Variants in FMNL2 observed in about 807,000 individuals in gnomAD.
The protein encoded by FMNL2 is formin like 2, also known as formin-like protein 2.
Under a neutral mutation model 130.2 loss-of-function variants are expected in FMNL2, and 51 were observed. The observed-to-expected ratio is 0.39, with a 90% CI of 0.31 to 0.49. The LOEUF is 0.49. FMNL2 is among the 20% of genes least tolerant of loss of function. The pLI is 0.85. For missense variants in FMNL2, 977 were observed against 1,316.2 expected, an observed-to-expected ratio of 0.74 and a Z score of 3.99; for synonymous variants, 465 against 467.1, an observed-to-expected ratio of 1.00 and a Z score of 0.06.
chr2:152,511,404 A>G (rs962146282), intron 1 of FMNL2, among the ~76,000 whole-genome samples: 7 of 152,230 alleles, frequency 4.6e-5, no homozygotes, highest in African/African-American at 1.2e-4. Flanking sequence ...TTTGGGGGCC[A>G]TTATTCTGCC....
intron 1 of FMNL2, among the ~76,000 whole-genome samples, chr2:152,490,111 CT>C (rs1187024051): frequency 4.6e-5 from 7 of 151,998 alleles, no homozygotes; most frequent in Admixed American, 2.6e-4. Context: ...TTGCCTGTGC[CT>C]GGGGGATATT....
At chr2:152,413,930 A>G (rs1008354197) in intron 1 of FMNL2, among the ~76,000 whole-genome samples, 8 of 152,204 alleles carry the variant, frequency 5.3e-5, no homozygotes, top group Non-Finnish European at 1.0e-4. Flanking sequence ...GCTTTTTGTG[A>G]TGTACTTGAG....
Position 152,649,558 on chromosome 2 carries a change from A to G in FMNL2, c.*1653A>G, listed in dbSNP as rs1683900908. 6.6e-6 allele frequency: 1 copy of G among 152,576 alleles called. No individual in the cohort carries two copies. Among genetic ancestry groups the G allele is most frequent in the South Asian group, 2.1e-4 (1 of 4,836 alleles). The allele number at this position is 152,576 out of a possible 1,614,324, so 9.5% of individuals were successfully genotyped here. ...GATTTTGTCTTTCTGTGGACTCAAC[A>G]TTCACTTCGATTAAAAATAGCAATT... On this transcript the variant is annotated 3_prime_UTR_variant, in exon 26 of 26. Coordinates refer to ENST00000288670, the MANE Select transcript of FMNL2 (RefSeq NM_052905.4).
intron 1 of FMNL2, among the ~76,000 whole-genome samples, chr2:152,352,857 C>CT (rs3215381): frequency 0.77 from 116,811 of 151,984 alleles, 45,943 homozygotes; most frequent in Admixed American, 0.86. Context: ...TGTGGTAAGC[C>CT]TTTGCTCAGC....
At position 152,632,077 on chromosome 2, in the gene FMNL2, A is replaced by G; in HGVS notation, c.2620A>G (p.Lys874Glu). The change falls in exon 21 of 26, where the codon AAA (lysine) becomes GAA (glutamate). Residue 874 changes from lysine (K) to glutamate (E), a missense_variant. Lys to Glu is a moderately conservative substitution (Grantham distance 56, BLOSUM62 1). Around this residue, in one of 4 missense-constraint regions of FMNL2, gnomAD observed 689 missense variants for 995.9 expected, o/e 0.69. Coordinates refer to ENST00000288670, the MANE Select transcript of FMNL2 (RefSeq NM_052905.4). ...CTATATATCCAATGTGGTGAAAGAA[A>G]AATATCACCAAGTGTCCCTGTTTTA... ...LHYISNVVKE[K>E]YHQVSLFYNE... The G allele has an allele frequency of 6.2e-7, 1 of 1,613,506 alleles. No individual in the cohort carries two copies. The highest frequency in any genetic ancestry group is 8.5e-7 in the Non-Finnish European group (1 of 1,179,632).
At chr2:152,438,021 T>C (rs1687855113) in intron 1 of FMNL2, among the ~76,000 whole-genome samples, 1 of 152,226 alleles carries the variant, frequency 6.6e-6, no homozygotes, top group Non-Finnish European at 1.5e-5. Context: ...GAGACTTACA[T>C]GGAAACTTTG....
chr2:152,543,729 CAAAAAAAAAA>C (rs71394490), intron 3 of FMNL2, among the ~76,000 whole-genome samples: 1 of 61,396 alleles, frequency 1.6e-5, no homozygotes, highest in Non-Finnish European at 2.8e-5. Context: ...ACCCCCCGAC[CAAAAAAAAAA>C]AAAAAAAAAA....
At chr2:152,439,523 AAAGTGACCTTTGT>A (rs1687948901) in intron 1 of FMNL2, among the ~76,000 whole-genome samples, 1 of 152,162 alleles carries the variant, frequency 6.6e-6, no homozygotes, top group Non-Finnish European at 1.5e-5. Flanking sequence ...TTGAAACCTG[AAAGTGACCTTTGT>A]AAGTCACCAT....
intron 4 of FMNL2, 38 bp from the exon 5 acceptor site, chr2:152,558,702 A>G (rs368079038): frequency 1.9e-6 from 3 of 1,546,972 alleles, no homozygotes; most frequent in South Asian, 1.2e-5. Flanking sequence ...TCATGTGATC[A>G]ATTTCTCCAA....
intron 1 of FMNL2, among the ~76,000 whole-genome samples, chr2:152,459,732 C>G (rs2105117443): frequency 6.6e-6 from 1 of 152,212 alleles, no homozygotes; most frequent in East Asian, 1.9e-4. Context: ...TAACAGATAA[C>G]TATGTGAATA....
intron 1 of FMNL2, among the ~76,000 whole-genome samples, chr2:152,395,295 GAGT>G (rs1330671931): frequency 2.6e-5 from 4 of 152,318 alleles, no homozygotes; most frequent in African/African-American, 9.6e-5. Context: ...TTAAAGAGAT[GAGT>G]AGTGCTTAGG....
chr2:152,631,888 C>G (rs1682194891), intron 20 of FMNL2, 120 bp from the exon 21 acceptor site: 1 of 1,118,094 alleles, frequency 8.9e-7, no homozygotes, highest in Admixed American at 2.9e-5. Flanking sequence ...TGGGAATGCT[C>G]CAGCCTGTTG....
chr2:152,351,035 A>G (rs935499060), intron 1 of FMNL2, among the ~76,000 whole-genome samples: 28 of 152,100 alleles, frequency 1.8e-4, no homozygotes, highest in African/African-American at 4.6e-4. Context: ...ACAGAGTGAG[A>G]CTCTTTCTCA....
At chr2:152,480,357 G>T (rs890739470) in intron 1 of FMNL2, among the ~76,000 whole-genome samples, 2 of 152,104 alleles carry the variant, frequency 1.3e-5, no homozygotes, top group Admixed American at 1.3e-4. Flanking sequence ...TGGGCCAAGC[G>T]CAGTGGCTCA....
At position 152,631,206 on chromosome 2, in the gene FMNL2, C is replaced by T. The variant is rs527715356; in HGVS notation, c.2551-802C>T. On this transcript the variant is annotated intron_variant, in intron 20 of 25. Transcript: ENST00000288670. The stretch of plus-strand genomic sequence containing the variant: ...TTTGAGAGCAGCCTGGCCAACATGG[C>T]GAAACCCTGTCTCTACTAAAAATAG... 2.6e-5 allele frequency among the ~76,000 whole-genome samples: 4 copies of T among 151,516 alleles called. No homozygotes were observed. The South Asian group carries it at 6.3e-4, about 24-fold the overall frequency.
chr2:152,474,083 G>A (rs1690010242), intron 1 of FMNL2, among the ~76,000 whole-genome samples: 1 of 152,028 alleles, frequency 6.6e-6, no homozygotes, highest in South Asian at 2.1e-4. Context: ...TGCTATATTG[G>A]CCAGGCTGGT....
chr2:152,538,039 G>C (rs937485169), intron 2 of FMNL2, among the ~76,000 whole-genome samples: 1 of 152,168 alleles, frequency 6.6e-6, no homozygotes, highest in Non-Finnish European at 1.5e-5. Context: ...GATAAACTGT[G>C]AAGTATCACT....
chr2:152,618,129 C>T (rs974425820), intron 13 of FMNL2, among the ~76,000 whole-genome samples: 3 of 152,178 alleles, frequency 2.0e-5, no homozygotes, highest in Non-Finnish European at 4.4e-5. Context: ...TTCACTAGAA[C>T]CTCTATGGGC....
At chr2:152,545,305 C>T (rs886193770) in intron 3 of FMNL2, among the ~76,000 whole-genome samples, 1 of 152,180 alleles carries the variant, frequency 6.6e-6, no homozygotes, top group Admixed American at 6.5e-5. Flanking sequence ...CTTTAAATTT[C>T]AGCCAGACAG....
Sources: allele counts gnomAD v4.1 joint callset (sites outside exome capture counted in the v4.1 genomes callset), GRCh38; gene constraint gnomAD v4.1.1; regional missense constraint gnomAD v4.1.1; transcripts MANE v1.5; gene names NCBI Gene and HGNC (gene_info 2026-07-23, HGNC 2026-07-21).